The following PDE10A variants were observed in gnomAD, a reference collection of about 807,000 sequenced individuals.
PDE10A encodes cAMP and cAMP-inhibited cGMP 3',5'-cyclic phosphodiesterase 10A.
A neutral mutation model predicts 97.7 loss-of-function variants in PDE10A; 39 were observed. That is an observed-to-expected ratio of 0.40 (90% CI 0.31 to 0.52). PDE10A has a LOEUF of 0.52. Among genes scored for constraint, PDE10A ranks in the 20% least tolerant of loss-of-function variants. The pLI, the probability that PDE10A is intolerant of heterozygous loss-of-function variation, is 0.56. For missense variants in PDE10A, 731 were observed against 1,047.8 expected (o/e 0.70, Z 4.17); for synonymous variants, 371 against 376.8 (o/e 0.98, Z 0.18).
chr6:165,802,979 G>T (rs1409284985), intron 1 of PDE10A, among the ~76,000 whole-genome samples: 1 of 152,124 alleles, frequency 6.6e-6, no homozygotes. Flanking sequence ...AATAAATTAC[G>T]AGTTCCCAGA....
At chr6:165,513,813 A>T (rs751088099) in intron 2 of PDE10A, among the ~76,000 whole-genome samples, 10 of 152,078 alleles carry the variant, frequency 6.6e-5, no homozygotes, top group Non-Finnish European at 1.2e-4. Context: ...GTTCATTTTT[A>T]TGTAGAAATA....
At chr6:165,535,063 G>A (rs484594) in intron 2 of PDE10A, among the ~76,000 whole-genome samples, 105,112 of 151,842 alleles carry the variant, frequency 0.69, 39,665 homozygotes, top group Non-Finnish European at 0.83. Context: ...TAGCAAACAA[G>A]CTATTTGAAC....
At chr6:165,433,314 T>G (rs1789734820) in intron 6 of PDE10A, among the ~76,000 whole-genome samples, 185 bp from the exon 7 acceptor site, 2 of 152,220 alleles carry the variant, frequency 1.3e-5, no homozygotes, top group African/African-American at 2.4e-5. Flanking sequence ...TTCATGGAAC[T>G]TATACCCAAA....
At chr6:165,829,998 G>A (rs937814774) in intron 1 of PDE10A, among the ~76,000 whole-genome samples, 3 of 152,182 alleles carry the variant, frequency 2.0e-5, no homozygotes, top group African/African-American at 7.2e-5. Flanking sequence ...TAGGGTCTGT[G>A]TGGCAGCGGC....
chr6:165,950,803 G>A (rs1347724364), intron 1 of PDE10A, among the ~76,000 whole-genome samples: 1 of 152,176 alleles, frequency 6.6e-6, no homozygotes, highest in East Asian at 1.9e-4. Context: ...ATCCTGAGCT[G>A]GCTGAATCCC....
chr6:165,988,014 T>C, upstream of PDE10A: 1 of 421,558 alleles, frequency 2.4e-6, no homozygotes, highest in Non-Finnish European at 4.8e-6. Flanking sequence ...CACTTCACAT[T>C]TGGGGGTGCT....
intron 1 of PDE10A, among the ~76,000 whole-genome samples, chr6:165,723,876 G>T (rs371066518): frequency 2.0e-5 from 3 of 151,924 alleles, no homozygotes; most frequent in East Asian, 1.9e-4. Flanking sequence ...TCCCTTGGGG[G>T]TCAGTCTAAA....
intron 1 of PDE10A, among the ~76,000 whole-genome samples, chr6:165,581,920 C>T (rs377433128): frequency 1.3e-5 from 2 of 152,182 alleles, no homozygotes; most frequent in South Asian, 2.1e-4. Context: ...ATTTCATTTA[C>T]TTGCCACCAA....
At chr6:165,721,999 G>C (rs1017739155) in intron 1 of PDE10A, among the ~76,000 whole-genome samples, 6 of 152,088 alleles carry the variant, frequency 3.9e-5, no homozygotes, top group Non-Finnish European at 8.8e-5. Flanking sequence ...AAAAGCTAAG[G>C]ATTCCAAGGT....
intron 1 of PDE10A, among the ~76,000 whole-genome samples, chr6:165,733,085 T>A (rs894102318): frequency 3.3e-5 from 5 of 152,202 alleles, no homozygotes; most frequent in African/African-American, 9.6e-5. Flanking sequence ...AGAAACGGCG[T>A]GTGTTTACAT....
Position 165,408,329 on chromosome 6 carries a change from G to T in PDE10A, c.2076+5172C>A, listed in dbSNP as rs759886307. ...ACATTCAGGAAAAGGTAGGGAACCC[G>T]CAGATGTGATTGTTTGGGACAACGC... On this transcript the variant is annotated intron_variant, in intron 13 of 21. Transcript: ENST00000539869. 4.6e-5 allele frequency among the ~76,000 whole-genome samples: 7 copies of T among 152,270 alleles called. No individual in the cohort carries two copies. In the East Asian group the frequency reaches 7.7e-4, roughly 17 times the overall value.
At chr6:165,504,304 A>C (rs1027944888) in intron 2 of PDE10A, among the ~76,000 whole-genome samples, 2 of 152,198 alleles carry the variant, frequency 1.3e-5, no homozygotes, top group Non-Finnish European at 2.9e-5. Context: ...TAAAACTATA[A>C]AAAATACTAT....
intron 1 of PDE10A, among the ~76,000 whole-genome samples, chr6:165,892,094 T>C (rs1288425040): frequency 1.3e-5 from 2 of 152,072 alleles, no homozygotes; most frequent in Non-Finnish European, 2.9e-5. Context: ...GGAAAAAGTA[T>C]TTATACATGT....
chr6:165,333,457 A>G (rs1781458386), intron 21 of PDE10A, among the ~76,000 whole-genome samples: 1 of 152,062 alleles, frequency 6.6e-6, no homozygotes, highest in African/African-American at 2.4e-5. Flanking sequence ...ACTACTGAGG[A>G]ATACGCGGGA....
At chr6:165,979,311 C>T (rs952843112) in intron 1 of PDE10A, among the ~76,000 whole-genome samples, 6 of 152,146 alleles carry the variant, frequency 3.9e-5, no homozygotes, top group African/African-American at 1.4e-4. Flanking sequence ...AGGTATGAAG[C>T]AGAAGGGGAA....
chr6:165,435,803 T>G (rs1291047326), intron 5 of PDE10A, among the ~76,000 whole-genome samples: 2 of 152,172 alleles, frequency 1.3e-5, no homozygotes, highest in Admixed American at 6.5e-5. Context: ...TTTGGTTACA[T>G]TTTTCATTTT....
At chr6:165,411,563 G>A (rs1409005136) in intron 13 of PDE10A, among the ~76,000 whole-genome samples, 1 of 152,170 alleles carries the variant, frequency 6.6e-6, no homozygotes, top group Non-Finnish European at 1.5e-5. Flanking sequence ...AAAATTTCCT[G>A]TTGTTTAAGC....
intron 1 of PDE10A, among the ~76,000 whole-genome samples, chr6:165,776,644 A>G (rs532821976): frequency 2.0e-5 from 3 of 152,316 alleles, no homozygotes; most frequent in African/African-American, 7.2e-5. Flanking sequence ...CTGCAACTGA[A>G]CCGCCTCCCA....
chr6:165,464,207 C>T (rs1562491446), intron 3 of PDE10A, among the ~76,000 whole-genome samples: 1 of 152,134 alleles, frequency 6.6e-6, no homozygotes, highest in Non-Finnish European at 1.5e-5. Flanking sequence ...CACACACAAA[C>T]ACACACATAG....
Sources: gnomAD v4.1 joint callset for allele counts (sites outside exome capture counted in the v4.1 genomes callset) on GRCh38, gnomAD v4.1.1 for gene constraint, MANE v1.5 for transcripts, NCBI Gene and HGNC (gene_info 2026-07-23, HGNC 2026-07-21) for gene names.